Variants in CADM2 observed in about 807,000 individuals in gnomAD.
The protein encoded by CADM2 is immunoglobulin superfamily member 4D.
In CADM2, 12 loss-of-function variants were observed where a neutral mutation model predicts 49.8. The observed-to-expected ratio is 0.24, with a 90% confidence interval of 0.15 to 0.39. The LOEUF (loss-of-function observed/expected upper bound fraction) is 0.39. Ranked by LOEUF, CADM2 falls within the 10% of genes least tolerant of loss-of-function variation. The probability of loss-of-function intolerance (pLI) is 1.00; values close to 1 mark genes in which losing one functional copy is unlikely to be tolerated. For synonymous variants in CADM2, 214 were observed against 175.4 expected (o/e 1.22, Z -1.74); for missense variants, 378 against 492.3 (o/e 0.77, Z 2.20).
chr3:86,061,670 G>A (rs1225867762), intron 8 of CADM2, among the ~76,000 whole-genome samples: 2 of 151,452 alleles, frequency 1.3e-5, no homozygotes, highest in Non-Finnish European at 2.9e-5. Context: ...ACATAAAGTT[G>A]TAAGACTAAT....
chr3:85,674,980 A>G (rs990054587), intron 1 of CADM2, among the ~76,000 whole-genome samples: 1 of 152,166 alleles, frequency 6.6e-6, no homozygotes, highest in Non-Finnish European at 1.5e-5. Context: ...TGCACTGAGT[A>G]TAGAAAAAGC....
At chr3:85,526,953 A>G (rs993712593) in intron 1 of CADM2, among the ~76,000 whole-genome samples, 3 of 152,172 alleles carry the variant, frequency 2.0e-5, no homozygotes, top group East Asian at 3.9e-4. Context: ...TGATTTTTTA[A>G]CGCTCTTTCT....
intron 1 of CADM2, among the ~76,000 whole-genome samples, chr3:85,593,412 A>G (rs940938879): frequency 6.6e-6 from 1 of 152,010 alleles, no homozygotes; most frequent in Non-Finnish European, 1.5e-5. Flanking sequence ...TTTTTCATCT[A>G]TAAAATGAAC....
At chr3:85,954,382 A>G (rs559159810) in intron 7 of CADM2, among the ~76,000 whole-genome samples, 62 of 151,222 alleles carry the variant, frequency 4.1e-4, no homozygotes, top group African/African-American at 1.4e-3. Context: ...TAGACCCACA[A>G]GTAGTCCTTT....
chr3:86,003,954 T>A (rs947532488), intron 8 of CADM2, among the ~76,000 whole-genome samples: 5 of 152,198 alleles, frequency 3.3e-5, no homozygotes, highest in Non-Finnish European at 2.9e-5. Flanking sequence ...AGGACTTTTT[T>A]AAAGGTTAAA....
chr3:85,659,879 G>A (rs1463454962), intron 1 of CADM2, among the ~76,000 whole-genome samples: 1 of 152,112 alleles, frequency 6.6e-6, no homozygotes. Context: ...AGCACAAGGT[G>A]TGCACCAAAT....
At chr3:85,980,104 C>T (rs1166660148) in intron 8 of CADM2, among the ~76,000 whole-genome samples, 2 of 151,318 alleles carry the variant, frequency 1.3e-5, no homozygotes, top group African/African-American at 4.8e-5. Context: ...TCTACATAAG[C>T]AGTGCTCAGA....
At chr3:85,156,571 T>G (rs1413356400) in intron 1 of CADM2, among the ~76,000 whole-genome samples, 1 of 152,198 alleles carries the variant, frequency 6.6e-6, no homozygotes, top group Non-Finnish European at 1.5e-5. Flanking sequence ...TACCATTCCT[T>G]CTGAAACTAT....
intron 1 of CADM2, among the ~76,000 whole-genome samples, chr3:85,414,396 G>T (rs1388012870): frequency 1.3e-5 from 2 of 152,134 alleles, no homozygotes; most frequent in Non-Finnish European, 2.9e-5. Flanking sequence ...GAAACATGTA[G>T]TGTGTCCTTT....
chr3:85,154,190 T>A (rs1346884564), intron 1 of CADM2, among the ~76,000 whole-genome samples: 1 of 152,072 alleles, frequency 6.6e-6, no homozygotes, highest in Non-Finnish European at 1.5e-5. Flanking sequence ...GAAAACTTTT[T>A]AAAAAATTTA....
At chr3:85,707,711 C>T (rs1055278994) in intron 1 of CADM2, among the ~76,000 whole-genome samples, 1 of 152,064 alleles carries the variant, frequency 6.6e-6, no homozygotes, top group African/African-American at 2.4e-5. Flanking sequence ...AATACATCTT[C>T]CCTTTAGTTT....
At chr3:86,064,248 T>C (rs1739048429) in intron 8 of CADM2, among the ~76,000 whole-genome samples, 1 of 151,970 alleles carries the variant, frequency 6.6e-6, no homozygotes, top group African/African-American at 2.4e-5. Context: ...ATGTTCCCCT[T>C]CCTGTGCCCA....
intron 7 of CADM2, among the ~76,000 whole-genome samples, chr3:85,953,428 A>G (rs1196154335): frequency 1.3e-5 from 2 of 151,062 alleles, no homozygotes; most frequent in African/African-American, 2.4e-5. Flanking sequence ...TTTCAACATT[A>G]TGGCCTCTTG....
chr3:84,980,913 C>T (rs1035749542), intron 1 of CADM2, among the ~76,000 whole-genome samples: 1 of 152,048 alleles, frequency 6.6e-6, no homozygotes, highest in Non-Finnish European at 1.5e-5. Flanking sequence ...ATTAGATCCT[C>T]AGAATCTTGG....
intron 3 of CADM2, among the ~76,000 whole-genome samples, chr3:85,847,114 T>C (rs531937354): frequency 1.3e-5 from 2 of 152,304 alleles, no homozygotes; most frequent in South Asian, 4.1e-4. Flanking sequence ...ATACCAGTAA[T>C]GATGTTGACA....
rs1033448702 is a variant in CADM2 at position 85,541,224 on chromosome 3, T to C, written c.62-185298T>C. The stretch of plus-strand genomic sequence containing the variant: ...TTTGGCACATATATACATTTATACA[T>C]TTATTATATATGTGTGTATATATAA... On this transcript the variant is annotated intron_variant, in intron 1 of 9. Coordinates refer to ENST00000383699, the MANE Select transcript of CADM2 (RefSeq NM_001167675.2). Among the ~76,000 whole-genome samples, 209 of 151,098 alleles carry C rather than the reference T, an allele frequency of 1.4e-3. 2 individuals carry two copies. Among genetic ancestry groups the C allele is most frequent in the African/African-American group, 4.9e-3 (205 of 41,450 alleles).
At chr3:85,654,085 A>G (rs1425859044) in intron 1 of CADM2, among the ~76,000 whole-genome samples, 1 of 152,234 alleles carries the variant, frequency 6.6e-6, no homozygotes, top group African/African-American at 2.4e-5. Flanking sequence ...GACTGGAGTG[A>G]GCCAAAGAGA....
At chr3:85,340,168 C>T (rs146091374) in intron 1 of CADM2, among the ~76,000 whole-genome samples, 1 of 151,522 alleles carries the variant, frequency 6.6e-6, no homozygotes, top group African/African-American at 2.4e-5. Context: ...CTTAGCATTG[C>T]ATACTTAAAA....
At chr3:85,881,486 G>A (rs945980125) in intron 3 of CADM2, among the ~76,000 whole-genome samples, 2 of 152,074 alleles carry the variant, frequency 1.3e-5, no homozygotes, top group African/African-American at 4.8e-5. Flanking sequence ...ATTATGTTAA[G>A]AGACTCTGGA....
Sources: gnomAD v4.1 joint callset for allele counts (sites outside exome capture counted in the v4.1 genomes callset) on GRCh38, gnomAD v4.1.1 for gene constraint, MANE v1.5 for transcripts, NCBI Gene and HGNC (gene_info 2026-07-23, HGNC 2026-07-21) for gene names.